NUDCD1: variants seen among roughly 807,000 people sequenced by gnomAD.
NUDCD1 encodes nudC domain-containing protein 1.
A neutral mutation model predicts 67.8 loss-of-function variants in NUDCD1; 60 were observed. The ratio of observed to expected loss-of-function variants is 0.88; its 90% CI spans 0.72 to 1.10. The LOEUF is 1.10. Ranked by LOEUF, NUDCD1 falls within the 50% of genes least tolerant of loss-of-function variation. The probability of loss-of-function intolerance (pLI) is 0.00; values close to 1 mark genes in which losing one functional copy is unlikely to be tolerated. For synonymous variants in NUDCD1, 244 were observed against 230.8 expected (o/e 1.06, Z -0.52); for missense variants, 643 against 695.0 (o/e 0.93, Z 0.84).
At chr8:109,330,062 T>C (rs1032215559) in intron 1 of NUDCD1, 7 of 431,230 alleles carry the variant, frequency 1.6e-5, no homozygotes, top group Admixed American at 4.5e-5. Flanking sequence ...AGGTGAAATA[T>C]AGCTGGGAAA....
intron 2 of NUDCD1, among the ~76,000 whole-genome samples, chr8:109,300,861 T>C (rs1417538709): frequency 2.0e-5 from 3 of 152,120 alleles, no homozygotes; most frequent in Non-Finnish European, 4.4e-5. Context: ...AAGAACCAAG[T>C]AACCTATAAA....
chr8:109,292,860 T>C (rs6469251), intron 4 of NUDCD1, among the ~76,000 whole-genome samples: 10,987 of 152,068 alleles, frequency 0.072, 1,295 homozygotes, highest in African/African-American at 0.25. Flanking sequence ...AAGTAACAGT[T>C]TTCCTAAATG....
chr8:109,330,460 A>G (rs1815780018), intron 1 of NUDCD1, among the ~76,000 whole-genome samples: 1 of 152,248 alleles, frequency 6.6e-6, no homozygotes, highest in Non-Finnish European at 1.5e-5. Context: ...CGCCTCAATT[A>G]TGCTTCACTA....
At chr8:109,270,896 A>G (rs931236368) in intron 8 of NUDCD1, 109 bp downstream of exon 8, 58 of 682,088 alleles carry the variant, frequency 8.5e-5, no homozygotes, top group Admixed American at 1.5e-4. Context: ...GATGAGACTT[A>G]TCAAAGCCAG....
chr8:109,328,773 G>A (rs903846101), intron 1 of NUDCD1, among the ~76,000 whole-genome samples: 2 of 151,806 alleles, frequency 1.3e-5, no homozygotes, highest in African/African-American at 2.4e-5. Context: ...ACTATATCCC[G>A]GAAAAAAAAC....
chr8:109,303,164 C>T (rs1208073195), intron 2 of NUDCD1, among the ~76,000 whole-genome samples: 1 of 152,192 alleles, frequency 6.6e-6, no homozygotes, highest in South Asian at 2.1e-4. Context: ...CTGTGTGGGA[C>T]CCCACTGGAA....
chr8:109,279,160 AAT>A lies in NUDCD1; in HGVS notation c.1028+1806_1028+1807del, dbSNP rs566861823. On this transcript the variant is annotated intron_variant, in intron 6 of 9. Coordinates refer to ENST00000239690, the MANE Select transcript of NUDCD1 (RefSeq NM_032869.4). ...AAGGAGTAGAATTGTTAAGATTAAA[AAT>A]AGGTATATGTTTAACTTGATATGAA... 3.9e-4 allele frequency among the ~76,000 whole-genome samples: 59 copies of A among 152,358 alleles called. No individual in the cohort carries two copies. The South Asian group carries it at 0.012, about 31-fold the overall frequency.
Position 109,270,993 on chromosome 8 carries a change from T to C in NUDCD1, c.1299+12A>G. On this transcript the variant is annotated intron_variant, in intron 8 of 9. Coordinates refer to ENST00000239690, the MANE Select transcript of NUDCD1 (RefSeq NM_032869.4). The stretch of plus-strand genomic sequence containing the variant: ...TGACAAAATTTTAGAAATATTAATA[T>C]CAGTAACTTACCACATGAGTAGTTT... The C allele has an allele frequency of 6.5e-7, 1 of 1,542,092 alleles. No homozygotes were observed. Among genetic ancestry groups the C allele is most frequent in the Non-Finnish European group, 8.8e-7 (1 of 1,135,366 alleles).
intron 5 of NUDCD1, among the ~76,000 whole-genome samples, chr8:109,282,680 C>T (rs1275275945): frequency 2.0e-4 from 3 of 15,080 alleles, no homozygotes; most frequent in Middle Eastern, 0.031. Context: ...CCGGGGTTGT[C>T]GGGGGGTGGG....
At chr8:109,329,463 A>T (rs1815754316) in intron 1 of NUDCD1, among the ~76,000 whole-genome samples, 1 of 152,202 alleles carries the variant, frequency 6.6e-6, no homozygotes, top group African/African-American at 2.4e-5. Flanking sequence ...AAAATCTTAA[A>T]ACAGAAGAAA....
intron 8 of NUDCD1, among the ~76,000 whole-genome samples, chr8:109,247,329 G>A (rs1813521768): frequency 6.6e-6 from 1 of 152,114 alleles, no homozygotes; most frequent in Non-Finnish European, 1.5e-5. Flanking sequence ...CATGAGCCAA[G>A]TGCCTAAAGA....
chr8:109,311,557 G>GTATATATATATATA lies in NUDCD1; in HGVS notation c.273+10751_273+10752insTATATATATATATA, dbSNP rs569380890. 2.2e-4 allele frequency among the ~76,000 whole-genome samples: 14 copies of GTATATATATATATA among 62,698 alleles called. 1 individual carries two copies. The highest frequency in any genetic ancestry group is 3.4e-4 in the Non-Finnish European group (12 of 35,240). The allele number at this position is 62,698 out of a possible 152,430, so 41.1% of individuals were successfully genotyped here. A position where few individuals can be genotyped will look rare whatever the true frequency, so the allele number is the denominator to read the frequency against. On this transcript the variant is annotated intron_variant, in intron 2 of 9. Coordinates refer to ENST00000239690, the MANE Select transcript of NUDCD1 (RefSeq NM_032869.4). ...TCAATGAGTGGATAAAGAAACTGTG[G>GTATATATATATATA]TGTATATATATATATGATGGGATAC...
At position 109,243,217 on chromosome 8, in the gene NUDCD1, C is replaced by T. The variant is rs756894779; in HGVS notation, c.1544G>A (p.Arg515His). The T allele has an allele frequency of 1.7e-5, 27 of 1,613,266 alleles. No individual in the cohort carries two copies. The highest frequency in any genetic ancestry group is 6.7e-5 in the Admixed American group (4 of 59,966). The change falls in exon 10 of 10, where the codon CGT (arginine) becomes CAT (histidine). Residue 515 changes from arginine to histidine, a missense_variant. By Grantham distance (29) the Arg-to-His change is conservative. Transcript: ENST00000239690. ...YSYAALCECLRRVFIYRQPAP... is the reference protein window; with the variant it reads ...YSYAALCECLHRVFIYRQPAP... ...AGGCTGACGATAGATGAATACTCGA[C>T]GAAGGCACTCACAAAGGGCTGCATA...
At chr8:109,255,712 A>G (rs1813720371) in intron 8 of NUDCD1, among the ~76,000 whole-genome samples, 1 of 151,822 alleles carries the variant, frequency 6.6e-6, no homozygotes, top group South Asian at 2.1e-4. Flanking sequence ...ACGTGAGAAG[A>G]TGGATAATGT....
At chr8:109,273,973 T>C (rs1421880077) in intron 7 of NUDCD1, among the ~76,000 whole-genome samples, 2 of 152,100 alleles carry the variant, frequency 1.3e-5, no homozygotes, top group Non-Finnish European at 2.9e-5. Context: ...TAATACATCA[T>C]GACCAAGACG....
At chr8:109,329,014 ATAAG>A (rs1815744619) in intron 1 of NUDCD1, among the ~76,000 whole-genome samples, 1 of 152,234 alleles carries the variant, frequency 6.6e-6, no homozygotes, top group African/African-American at 2.4e-5. Context: ...TATGTTCAAC[ATAAG>A]TAAGTAGAAG....
chr8:109,271,613 G>A (rs974871528), intron 7 of NUDCD1, among the ~76,000 whole-genome samples: 1 of 152,148 alleles, frequency 6.6e-6, no homozygotes, highest in African/African-American at 2.4e-5. Context: ...GTAACTGGAG[G>A]AGGGCAAGAA....
intron 2 of NUDCD1, among the ~76,000 whole-genome samples, chr8:109,310,810 CTT>C (rs59611956): frequency 4.0e-4 from 30 of 75,196 alleles, no homozygotes; most frequent in South Asian, 2.6e-3. Flanking sequence ...ATAGACAATT[CTT>C]TTTTTTTTTT....
intron 6 of NUDCD1, among the ~76,000 whole-genome samples, chr8:109,279,925 C>T (rs572716744): frequency 3.9e-5 from 6 of 152,138 alleles, no homozygotes; most frequent in Non-Finnish European, 8.8e-5. Flanking sequence ...AGCCACTGTG[C>T]CTGGCCACTT....
Sources: gnomAD v4.1 joint callset for allele counts (sites outside exome capture counted in the v4.1 genomes callset) on GRCh38, gnomAD v4.1.1 for gene constraint, MANE v1.5 for transcripts, NCBI Gene and HGNC (gene_info 2026-07-23, HGNC 2026-07-21) for gene names.